The following MROH2B variants were observed in gnomAD, a reference collection of about 807,000 sequenced individuals.
The protein encoded by MROH2B is maestro heat-like repeat-containing protein family member 2B.
In MROH2B, 177 loss-of-function variants were observed where a neutral mutation model predicts 208.6. That is an observed-to-expected ratio of 0.85 (90% confidence interval 0.75 to 0.96). MROH2B has a LOEUF of 0.96. Among genes scored for constraint, MROH2B ranks in the 40% least tolerant of loss-of-function variants. The probability of loss-of-function intolerance (pLI) is 0.00; values close to 1 mark genes in which losing one functional copy is unlikely to be tolerated. For synonymous variants in MROH2B, 728 were observed against 659.0 expected, an observed-to-expected ratio of 1.10 and a Z score of -1.60; for missense variants, 2,002 against 1,878.7, an observed-to-expected ratio of 1.07 and a Z score of -1.21.
intron 21 of MROH2B, among the ~76,000 whole-genome samples, chr5:41,037,149 A>G (rs1742792284): frequency 6.6e-6 from 1 of 151,968 alleles, no homozygotes; most frequent in Non-Finnish European, 1.5e-5. Flanking sequence ...ATTTATTTTT[A>G]TAGATGAGGT....
chr5:41,011,409 T>G (rs574299450), intron 30 of MROH2B, among the ~76,000 whole-genome samples: 1 of 152,308 alleles, frequency 6.6e-6, no homozygotes, highest in East Asian at 1.9e-4. Context: ...TACACACAAA[T>G]ATATGGGCAT....
rs1323201222 is a variant in MROH2B at position 41,012,755 on chromosome 5, G to C, written c.2983-20C>G. The stretch of plus-strand genomic sequence containing the variant: ...GACAATCTGAAAATGCACCCAGAAA[G>C]ATTCGTGTAATCAACCACCCCATTT... On this transcript the variant is annotated intron_variant, in intron 29 of 41. Coordinates refer to ENST00000399564, the MANE Select transcript of MROH2B (RefSeq NM_173489.5). 1 of 1,612,726 alleles carries C rather than the reference G, an allele frequency of 6.2e-7. No homozygotes were observed.
At chr5:41,048,253 A>G (rs1421464909) in intron 16 of MROH2B, 71 bp downstream of exon 16, 2 of 1,501,568 alleles carry the variant, frequency 1.3e-6, no homozygotes, top group Non-Finnish European at 1.8e-6. Flanking sequence ...ATGGCTTTAC[A>G]CAGAGAAACG....
chr5:41,054,717 C>A (rs764452161), intron 11 of MROH2B, 50 bp downstream of exon 11: 8 of 1,364,394 alleles, frequency 5.9e-6, no homozygotes, highest in Non-Finnish European at 8.2e-6. Context: ...AAAATAATTT[C>A]ATTCATTCTT....
At chr5:41,027,858 A>G (rs914751273) in intron 24 of MROH2B, among the ~76,000 whole-genome samples, 4 of 152,228 alleles carry the variant, frequency 2.6e-5, no homozygotes, top group Non-Finnish European at 5.9e-5. Flanking sequence ...CTATGCAGCC[A>G]TAACAAATGA....
chr5:41,000,970 G>T lies in MROH2B; in HGVS notation c.4195-137C>A, dbSNP rs976937422. 8.3e-6 allele frequency: 8 copies of T among 965,058 alleles called. No homozygotes were observed. In the African/African-American group the frequency reaches 1.3e-4, roughly 16 times the overall value. The allele number at this position is 965,058 out of a possible 1,614,324, so 59.8% of individuals were successfully genotyped here. A position where few individuals can be genotyped will look rare whatever the true frequency, so the allele number is the denominator to read the frequency against. On this transcript the variant is annotated intron_variant, in intron 37 of 41. Coordinates refer to ENST00000399564, the MANE Select transcript of MROH2B (RefSeq NM_173489.5). ...CCAGGCACTTGTCCATCATAGTCACGGCCTCTAAATGTTCCAAGAACTTGC... is the reference window on the plus strand; with the variant it reads ...CCAGGCACTTGTCCATCATAGTCACTGCCTCTAAATGTTCCAAGAACTTGC...
intron 22 of MROH2B, 100 bp downstream of exon 22, chr5:41,033,738 C>A: frequency 1.0e-6 from 1 of 963,142 alleles, no homozygotes; most frequent in South Asian, 1.7e-5. Context: ...CAATTGGAAT[C>A]AAATCAAAAG....
intron 29 of MROH2B, 65 bp downstream of exon 29, chr5:41,015,316 G>T: frequency 7.1e-7 from 1 of 1,398,668 alleles, no homozygotes; most frequent in Non-Finnish European, 1.0e-6. Flanking sequence ...TGGGGAGTAT[G>T]TAGCTTACTC....
rs146490772 is a variant in MROH2B at position 41,028,477 on chromosome 5, A to C, written c.2441+4265T>G. Among the ~76,000 whole-genome samples, 36 of 152,302 alleles carry C rather than the reference A, an allele frequency of 2.4e-4. No homozygotes were observed. In the East Asian group the frequency reaches 6.2e-3, roughly 26 times the overall value. On this transcript the variant is annotated intron_variant, in intron 24 of 41. Transcript: ENST00000399564. Reference sequence around the variant, plus strand: ...CTTCCATTTCCTACCCACCACTGAGAATAAAACAGTAGCCACTGTTTTTTA... The same window carrying C: ...CTTCCATTTCCTACCCACCACTGAGCATAAAACAGTAGCCACTGTTTTTTA...
At position 41,049,278 on chromosome 5, in the gene MROH2B, A is replaced by C. The variant is rs1341719502; in HGVS notation, c.1501+2T>G. 1 of 1,613,206 alleles carries C rather than the reference A, an allele frequency of 6.2e-7. No homozygotes were observed. Among genetic ancestry groups the C allele is most frequent in the African/African-American group, 1.3e-5 (1 of 74,984 alleles). ...CTTTTCTGTGTTTATGAATGTACAG[A>C]CCAGCTCCTGTAGAGACGACAAGTG... is the stretch of plus-strand genomic sequence containing the variant. On this transcript the variant is annotated splice_donor_variant, in intron 14 of 41. Coordinates refer to ENST00000399564, the MANE Select transcript of MROH2B (RefSeq NM_173489.5). LOFTEE classifies it high-confidence loss of function.
intron 24 of MROH2B, among the ~76,000 whole-genome samples, chr5:41,031,753 C>T (rs894645636): frequency 5.3e-5 from 8 of 152,062 alleles, no homozygotes; most frequent in African/African-American, 1.7e-4. Flanking sequence ...CCACCCACAA[C>T]TAGGCCCCAG....
Position 41,043,494 on chromosome 5 carries a change from A to G in MROH2B, c.1837-1286T>C, listed in dbSNP as rs538184309. Reference sequence around the variant, plus strand: ...GCAGAAAAAAATTGGTCATGAAGGGAAAGTTTGACTTAGGTGTAAAATGTT... The same window carrying G: ...GCAGAAAAAAATTGGTCATGAAGGGGAAGTTTGACTTAGGTGTAAAATGTT... On this transcript the variant is annotated intron_variant, in intron 18 of 41. Coordinates refer to ENST00000399564, the MANE Select transcript of MROH2B (RefSeq NM_173489.5). 2.0e-5 allele frequency among the ~76,000 whole-genome samples: 3 copies of G among 152,314 alleles called. No homozygotes were observed. The South Asian group carries it at 6.2e-4, about 32-fold the overall frequency.
chr5:41,007,374 T>C lies in MROH2B; in HGVS notation c.3689A>G (p.Asn1230Ser), dbSNP rs1487089679. The C allele has an allele frequency of 5.8e-6, 9 of 1,550,402 alleles. No homozygotes were observed. The South Asian group carries it at 1.1e-4, about 19-fold the overall frequency. ...GLAKESDEGD[N>S]LWTLLSSPST... is the part of the protein sequence containing the mutation. ...AGGACTGCTGAGTAGAGTCCATAAGTTGTCCCCCTCATCAGATTCCTTTGC... is the reference window on the plus strand; with the variant it reads ...AGGACTGCTGAGTAGAGTCCATAAGCTGTCCCCCTCATCAGATTCCTTTGC... Residue 1230 changes from asparagine (N) to serine (S), a missense_variant, in exon 34 of 42, where the codon AAC (asparagine) becomes AGC (serine). Coordinates refer to ENST00000399564, the MANE Select transcript of MROH2B (RefSeq NM_173489.5).
intron 35 of MROH2B, 105 bp downstream of exon 35, chr5:41,005,426 T>TG: frequency 4.2e-5 from 1 of 24,086 alleles, no homozygotes; most frequent in Non-Finnish European, 1.0e-4. Flanking sequence ...CCCCCCCCCC[T>TG]TGAAGTCTCT....
At chr5:41,039,676 A>G (rs556572328) in intron 19 of MROH2B, 121 bp from the exon 20 acceptor site, 1 of 630,788 alleles carries the variant, frequency 1.6e-6, no homozygotes, top group Non-Finnish European at 2.7e-6. Flanking sequence ...AGTTTGCAGA[A>G]CATACCAAAG....
In MROH2B at chr5:41,009,946, A is replaced by G. The variant is rs547142179; in HGVS notation, c.3269T>C (p.Leu1090Ser). Residue 1090 changes from leucine (L) to serine (S), a missense_variant, in exon 31 of 42, where the codon TTA becomes TCA. By Grantham distance (145) the Leu-to-Ser change is moderately radical. Coordinates refer to ENST00000399564, the MANE Select transcript of MROH2B (RefSeq NM_173489.5). ...FHMDTVVVNL[L>S]QKPLPFDRDT... Reference sequence around the variant, plus strand: ...CCTGTCAAAAGGCAGAGGCTTCTGTAAAAGGTTGACAACAACTGTATCCAT... The same window carrying G: ...CCTGTCAAAAGGCAGAGGCTTCTGTGAAAGGTTGACAACAACTGTATCCAT... The G allele has an allele frequency of 2.4e-5, 39 of 1,613,668 alleles. No individual in the cohort carries two copies. The South Asian group carries it at 3.0e-4, about 12-fold the overall frequency.
At chr5:41,066,448 A>T (rs774561372) in intron 3 of MROH2B, among the ~76,000 whole-genome samples, 2 of 152,216 alleles carry the variant, frequency 1.3e-5, no homozygotes, top group Non-Finnish European at 2.9e-5. Context: ...TTGAAGCAAT[A>T]GTCAGAGTTC....
At chr5:41,010,411 G>T (rs1468659011) in intron 30 of MROH2B, among the ~76,000 whole-genome samples, 1 of 152,134 alleles carries the variant, frequency 6.6e-6, no homozygotes, top group African/African-American at 2.4e-5. Context: ...AGACCTAAAG[G>T]CCTGTAGTCA....
intron 39 of MROH2B, 159 bp downstream of exon 39, chr5:41,000,061 T>C: frequency 4.2e-6 from 4 of 951,722 alleles, no homozygotes; most frequent in Non-Finnish European, 6.3e-6. Context: ...GCAGGATACC[T>C]CTATGTCACT....
Sources: gnomAD v4.1 joint callset for allele counts (sites outside exome capture counted in the v4.1 genomes callset) on GRCh38, gnomAD v4.1.1 for gene constraint, MANE v1.5 for transcripts, NCBI Gene and HGNC (gene_info 2026-07-23, HGNC 2026-07-21) for gene names.